DNAH9: variants seen among roughly 807,000 people sequenced by gnomAD.
DNAH9 encodes DNAH9 variant protein.
Under a neutral mutation model 471.6 loss-of-function variants are expected in DNAH9, and 345 were observed. The observed-to-expected ratio is 0.73, with a 90% confidence interval of 0.67 to 0.80. The LOEUF is 0.80. DNAH9 is among the 30% of genes least tolerant of loss of function. The pLI is 0.00. For missense variants in DNAH9, 5,407 were observed against 5,609.2 expected (o/e 0.96, Z 1.15); for synonymous variants, 2,093 against 2,123.6 (o/e 0.99, Z 0.40).
chr17:11,731,176 A>G (rs1234648284), intron 28 of DNAH9, among the ~76,000 whole-genome samples: 1 of 151,344 alleles, frequency 6.6e-6, no homozygotes, highest in African/African-American at 2.4e-5. Flanking sequence ...AATGTTAACA[A>G]TGATGGTGAT....
At chr17:11,730,360 T>G (rs2075236979) in intron 28 of DNAH9, among the ~76,000 whole-genome samples, 1 of 152,220 alleles carries the variant, frequency 6.6e-6, no homozygotes, top group Non-Finnish European at 1.5e-5. Context: ...GAGAGCTGGT[T>G]GTTAAAAATT....
intron 57 of DNAH9, 104 bp from the exon 58 acceptor site, chr17:11,891,673 A>C: frequency 7.0e-7 from 1 of 1,428,326 alleles, no homozygotes; most frequent in Non-Finnish European, 9.4e-7. Context: ...CCTTGGGAAA[A>C]AATTTCTATG....
intron 1 of DNAH9, among the ~76,000 whole-genome samples, chr17:11,603,362 C>T (rs562215538): frequency 2.6e-5 from 4 of 152,298 alleles, no homozygotes; most frequent in East Asian, 1.9e-4. Context: ...CACTCTGAGA[C>T]GCTCTTGCTT....
intron 66 of DNAH9, among the ~76,000 whole-genome samples, chr17:11,938,855 T>A (rs566318626): frequency 1.1e-3 from 161 of 152,180 alleles, no homozygotes; most frequent in Middle Eastern, 6.8e-3. Flanking sequence ...CATTTTGACC[T>A]CCCAAAGTGC....
intron 57 of DNAH9, among the ~76,000 whole-genome samples, chr17:11,889,714 G>A (rs961658802): frequency 6.6e-6 from 1 of 152,242 alleles, no homozygotes; most frequent in South Asian, 2.1e-4. Flanking sequence ...TTGGGGAAAT[G>A]TAAGAAAGTG....
intron 12 of DNAH9, among the ~76,000 whole-genome samples, chr17:11,647,919 C>T (rs1294975027): frequency 1.3e-5 from 2 of 152,164 alleles, no homozygotes; most frequent in Non-Finnish European, 2.9e-5. Flanking sequence ...AGGGATACTG[C>T]TAAACTTCTT....
chr17:11,850,475 C>T (rs1246542371), intron 49 of DNAH9, among the ~76,000 whole-genome samples: 4 of 152,054 alleles, frequency 2.6e-5, no homozygotes, highest in African/African-American at 9.7e-5. Flanking sequence ...ATAATGAAAC[C>T]CTGTCTCTAC....
intron 24 of DNAH9, among the ~76,000 whole-genome samples, chr17:11,702,610 A>C (rs1171352919): frequency 1.3e-5 from 2 of 152,238 alleles, no homozygotes. Context: ...ACCGGGAAAC[A>C]GTAATCATGG....
chr17:11,660,129 T>C (rs1789062991), intron 14 of DNAH9, among the ~76,000 whole-genome samples: 1 of 152,080 alleles, frequency 6.6e-6, no homozygotes, highest in African/African-American at 2.4e-5. Context: ...TAGTATTTCA[T>C]TCAAGTTACT....
intron 37 of DNAH9, 30 bp downstream of exon 37, chr17:11,768,656 C>A: frequency 1.2e-6 from 2 of 1,603,086 alleles, no homozygotes; most frequent in South Asian, 1.1e-5. Flanking sequence ...CGAGGACGTG[C>A]GTGCAGTTGC....
chr17:11,603,814 T>G (rs1050871577), intron 1 of DNAH9, among the ~76,000 whole-genome samples: 8 of 152,178 alleles, frequency 5.3e-5, no homozygotes, highest in African/African-American at 1.9e-4. Context: ...TAAAATAACG[T>G]GTCAATGTTT....
At position 11,690,287 on chromosome 17, in the gene DNAH9, G is replaced by T. The variant is rs780372700; in HGVS notation, c.4465G>T (p.Ala1489Ser). The T allele has an allele frequency of 5.0e-5, 80 of 1,614,052 alleles. No individual in the cohort carries two copies. Among genetic ancestry groups the T allele is most frequent in the Non-Finnish European group, 6.4e-5 (75 of 1,180,038 alleles). Residue 1489 changes from alanine (A) to serine (S), a missense_variant, in exon 20 of 69, where the codon GCT becomes TCT. Physicochemically the swap from Ala to Ser is moderately conservative, Grantham distance 99. Transcript: ENST00000262442. ...GAACCTGGTGATGTCCAAGTATGTTGCTTTCTTCTTGGAGGAGGTGTCGGG... is the reference window on the plus strand; with the variant it reads ...GAACCTGGTGATGTCCAAGTATGTTTCTTTCTTCTTGGAGGAGGTGTCGGG... The part of the protein sequence containing the change: ...LQNLVMSKYV[A>S]FFLEEVSGWQ...
intron 38 of DNAH9, among the ~76,000 whole-genome samples, chr17:11,776,765 A>G (rs551048770): frequency 9.2e-5 from 14 of 152,290 alleles, no homozygotes; most frequent in African/African-American, 1.9e-4. Flanking sequence ...GTGATAGTCA[A>G]TATAATAGGC....
In DNAH9 at chr17:11,705,081, C is replaced by T. The variant is rs912968729; in HGVS notation, c.5448C>T (p.Asp1816=). 7 of 1,614,120 alleles carry T rather than the reference C, an allele frequency of 4.3e-6. No individual in the cohort carries two copies. The highest frequency in any genetic ancestry group is 4.5e-5 in the East Asian group (2 of 44,888). ...CTCAGCTGCGCCATCGTTGGGATGA[C>T]GAGGTCAAACACTGCTTTGCCAACA... ...WLSQLRHRWD[D]EVKHCFANIC... The change falls in exon 26 of 69, where the codon GAC becomes GAT. Residue 1816 remains aspartate, a synonymous_variant. Coordinates refer to ENST00000262442, the MANE Select transcript of DNAH9 (RefSeq NM_001372.4).
At chr17:11,871,026 T>C (rs1706206782) in intron 51 of DNAH9, among the ~76,000 whole-genome samples, 1 of 152,134 alleles carries the variant, frequency 6.6e-6, no homozygotes, top group South Asian at 2.1e-4. Flanking sequence ...AACAGTCCTC[T>C]GTAGAAAGAA....
chr17:11,618,914 A>G (rs1032909108), intron 5 of DNAH9, among the ~76,000 whole-genome samples: 2 of 152,196 alleles, frequency 1.3e-5, no homozygotes, highest in Non-Finnish European at 2.9e-5. Context: ...CTCCTAGGCT[A>G]GTGCCTTTCC....
At chr17:11,902,648 C>A in intron 59 of DNAH9, 71 bp from the exon 60 acceptor site, 1 of 1,408,818 alleles carries the variant, frequency 7.1e-7, no homozygotes, top group Non-Finnish European at 9.8e-7. Flanking sequence ...TCTGGCCCCT[C>A]AATCCCCCAA....
At chr17:11,767,073 G>T (rs920750257) in intron 36 of DNAH9, among the ~76,000 whole-genome samples, 4 of 152,210 alleles carry the variant, frequency 2.6e-5, no homozygotes, top group Non-Finnish European at 4.4e-5. Flanking sequence ...ACAAGGTGCG[G>T]TCAAGCACCA....
intron 66 of DNAH9, among the ~76,000 whole-genome samples, chr17:11,938,564 A>C (rs1223527401): frequency 6.6e-6 from 1 of 151,880 alleles, no homozygotes; most frequent in Non-Finnish European, 1.5e-5. Flanking sequence ...GTACCAACTG[A>C]CATCCACCCC....
Sources: gnomAD v4.1 joint callset for allele counts (sites outside exome capture counted in the v4.1 genomes callset) on GRCh38, gnomAD v4.1.1 for gene constraint, MANE v1.5 for transcripts, NCBI Gene and HGNC (gene_info 2026-07-23, HGNC 2026-07-21) for gene names.